NRXN1: variants seen among roughly 807,000 people sequenced by gnomAD.
NRXN1 encodes the protein neurexin-1.
Under a neutral mutation model 150.9 loss-of-function variants are expected in NRXN1, and 39 were observed. The observed-to-expected ratio is 0.26, with a 90% confidence interval of 0.20 to 0.34. NRXN1 has a LOEUF of 0.34. Ranked by LOEUF, NRXN1 falls within the 10% of genes least tolerant of loss-of-function variation. The pLI is 1.00. For synonymous variants in NRXN1, 924 were observed against 757.0 expected, an observed-to-expected ratio of 1.22 and a Z score of -3.62; for missense variants, 1,815 against 1,949.9, an observed-to-expected ratio of 0.93 and a Z score of 1.30.
At chr2:50,359,719 A>T (rs184290859) in intron 17 of NRXN1, among the ~76,000 whole-genome samples, 1 of 152,248 alleles carries the variant, frequency 6.6e-6, no homozygotes, top group Admixed American at 6.5e-5. Context: ...CCCAACCCGC[A>T]AGACAGGCCC....
intron 21 of NRXN1, among the ~76,000 whole-genome samples, chr2:49,988,266 G>A (rs1370585161): frequency 6.6e-6 from 1 of 151,414 alleles, no homozygotes; most frequent in Non-Finnish European, 1.5e-5. Context: ...AAGACTTAGT[G>A]TCTGCCATTA....
At chr2:50,224,118 G>A (rs1574589397) in intron 18 of NRXN1, among the ~76,000 whole-genome samples, 1 of 151,932 alleles carries the variant, frequency 6.6e-6, no homozygotes, top group Admixed American at 6.6e-5. Context: ...CATGTTTAAG[G>A]AATATCATAA....
chr2:50,496,087 T>C lies in NRXN1; in HGVS notation c.2888A>G (p.His963Arg), dbSNP rs1558830787. ...IVVELVKGYLHYVFDLGNGAN... is the reference protein window; with the variant it reads ...IVVELVKGYLRYVFDLGNGAN... ...ACCATTTCCCAAATCAAACACGTAA[T>C]GTAAGTACCTGGGAAAAAAATGAAA... is the stretch of plus-strand genomic sequence containing the variant. The change falls in exon 15 of 23, where the codon CAT (histidine) becomes CGT (arginine). Residue 963 changes from histidine to arginine, a missense_variant. His to Arg is a conservative substitution (Grantham distance 29). Coordinates refer to ENST00000401669, the MANE Select transcript of NRXN1 (RefSeq NM_001330078.2). The C allele has an allele frequency of 3.8e-6, 6 of 1,597,788 alleles. No individual in the cohort carries two copies. Among genetic ancestry groups the C allele is most frequent in the Non-Finnish European group, 5.1e-6 (6 of 1,171,304 alleles).
At chr2:50,916,950 T>G (rs907542925) in intron 5 of NRXN1, 5 of 151,712 alleles carry the variant, frequency 3.3e-5, no homozygotes, top group African/African-American at 1.2e-4. Context: ...AATGAACATG[T>G]AAGCTAAAGA....
chr2:51,007,584 A>T (rs1667216618), intron 2 of NRXN1, among the ~76,000 whole-genome samples: 3 of 151,938 alleles, frequency 2.0e-5, no homozygotes, highest in Admixed American at 2.0e-4. Context: ...CTATTTTTAA[A>T]TGAAGCAGAT....
intron 21 of NRXN1, among the ~76,000 whole-genome samples, chr2:49,959,099 T>C (rs1054630496): frequency 3.3e-5 from 5 of 152,198 alleles, no homozygotes; most frequent in African/African-American, 1.2e-4. Flanking sequence ...ATTTTCACTA[T>C]GATAATTTTC....
chr2:50,734,953 T>C (rs1352456952), intron 5 of NRXN1, among the ~76,000 whole-genome samples: 1 of 152,162 alleles, frequency 6.6e-6, no homozygotes, highest in Non-Finnish European at 1.5e-5. Flanking sequence ...CCAAGACCAA[T>C]TCTTGGGCTA....
At chr2:50,132,948 CA>C (rs938389122) in intron 18 of NRXN1, among the ~76,000 whole-genome samples, 2 of 150,150 alleles carry the variant, frequency 1.3e-5, no homozygotes, top group African/African-American at 4.9e-5. Context: ...CTTTTATACC[CA>C]AAAAAACACT....
At chr2:50,939,858 T>C (rs1010657730) in intron 2 of NRXN1, among the ~76,000 whole-genome samples, 1 of 152,158 alleles carries the variant, frequency 6.6e-6, no homozygotes, top group Admixed American at 6.6e-5. Flanking sequence ...TTTAGAAAAT[T>C]CATCCATATA....
At chr2:50,264,229 C>T (rs2068610567) in intron 17 of NRXN1, among the ~76,000 whole-genome samples, 1 of 151,962 alleles carries the variant, frequency 6.6e-6, no homozygotes, top group South Asian at 2.1e-4. Flanking sequence ...AAACAGCTCT[C>T]TACTGGCTAA....
At chr2:50,123,219 T>C (rs1574035682) in intron 18 of NRXN1, among the ~76,000 whole-genome samples, 1 of 152,044 alleles carries the variant, frequency 6.6e-6, no homozygotes, top group Non-Finnish European at 1.5e-5. Flanking sequence ...GAATGAAATA[T>C]ATAATGTGAG....
intron 5 of NRXN1, among the ~76,000 whole-genome samples, chr2:50,626,032 C>T (rs1177582304): frequency 6.6e-6 from 1 of 151,844 alleles, no homozygotes. Context: ...GTAGCTAATG[C>T]AGGAAGACAA....
At chr2:50,922,402 A>G in intron 4 of NRXN1, 2 of 580,614 alleles carry the variant, frequency 3.4e-6, no homozygotes, top group South Asian at 4.1e-5. Context: ...TTCAATCACA[A>G]TTTCTTATGT....
At chr2:50,228,456 T>C (rs1410167633) in intron 18 of NRXN1, among the ~76,000 whole-genome samples, 1 of 149,734 alleles carries the variant, frequency 6.7e-6, no homozygotes, top group Non-Finnish European at 1.5e-5. Context: ...AGTGGGTGAT[T>C]GGGAGATGAT....
chr2:50,016,962 G>C (rs1296825444), intron 21 of NRXN1, among the ~76,000 whole-genome samples: 1 of 152,084 alleles, frequency 6.6e-6, no homozygotes, highest in Non-Finnish European at 1.5e-5. Flanking sequence ...GCCTGGAATG[G>C]ATGAGTCTGA....
chr2:50,424,148 GGAGGAGGAA>G, intron 17 of NRXN1, among the ~76,000 whole-genome samples: 1 of 101,658 alleles, frequency 9.8e-6, no homozygotes, highest in African/African-American at 3.8e-5. Context: ...GAGGAGGGGG[GGAGGAGGAA>G]GGGGAGGAGG....
At chr2:50,789,942 G>T (rs1026673648) in intron 5 of NRXN1, among the ~76,000 whole-genome samples, 1 of 152,126 alleles carries the variant, frequency 6.6e-6, no homozygotes, top group Non-Finnish European at 1.5e-5. Context: ...GTCTCTTAAA[G>T]AATTAGTAGC....
chr2:49,975,001 A>G (rs1029701572), intron 21 of NRXN1, among the ~76,000 whole-genome samples: 4 of 151,874 alleles, frequency 2.6e-5, no homozygotes, highest in Admixed American at 2.6e-4. Context: ...ACCATATGGA[A>G]CTATATCCCC....
intron 21 of NRXN1, among the ~76,000 whole-genome samples, chr2:50,040,207 G>C (rs944846949): frequency 6.6e-6 from 1 of 151,964 alleles, no homozygotes; most frequent in South Asian, 2.1e-4. Flanking sequence ...ATGGGGAGGA[G>C]CATAAAAAAT....
Sources: gnomAD v4.1 joint callset for allele counts (sites outside exome capture counted in the v4.1 genomes callset) on GRCh38, gnomAD v4.1.1 for gene constraint, MANE v1.5 for transcripts, NCBI Gene and HGNC (gene_info 2026-07-23, HGNC 2026-07-21) for gene names.